The following RBFOX1 variants were observed in gnomAD, a reference collection of about 807,000 sequenced individuals.
RBFOX1 encodes RNA binding protein fox-1 homolog 1.
Under a neutral mutation model 57.7 loss-of-function variants are expected in RBFOX1, and 8 were observed. The observed-to-expected ratio is 0.14, with a 90% CI of 0.08 to 0.25. RBFOX1 has a LOEUF of 0.25. Among genes scored for constraint, RBFOX1 ranks in the 10% least tolerant of loss-of-function variants. The probability of loss-of-function intolerance (pLI) is 1.00; values close to 1 mark genes in which losing one functional copy is unlikely to be tolerated. For synonymous variants in RBFOX1, 326 were observed against 222.4 expected, an observed-to-expected ratio of 1.47 and a Z score of -4.15; for missense variants, 611 against 548.5, an observed-to-expected ratio of 1.11 and a Z score of -1.14.
At chr16:6,420,163 C>T (rs532847056) in intron 2 of RBFOX1, among the ~76,000 whole-genome samples, 3 of 152,214 alleles carry the variant, frequency 2.0e-5, no homozygotes, top group South Asian at 4.1e-4. Flanking sequence ...TTCAACTCTG[C>T]AGTCGATGAA....
intron 1 of RBFOX1, among the ~76,000 whole-genome samples, chr16:5,268,099 G>A (rs2062908198): frequency 6.6e-6 from 1 of 151,918 alleles, no homozygotes; most frequent in East Asian, 1.9e-4. Flanking sequence ...AAAGATGACT[G>A]GAATATAGAC....
At chr16:5,743,406 C>T (rs778492832) in intron 3 of RBFOX1, among the ~76,000 whole-genome samples, 74 of 152,276 alleles carry the variant, frequency 4.9e-4, no homozygotes, top group South Asian at 1.9e-3. Context: ...CTTTGCAGAG[C>T]ATGTCCCGTG....
At chr16:5,459,132 C>T (rs1325084657) in intron 1 of RBFOX1, among the ~76,000 whole-genome samples, 1 of 152,170 alleles carries the variant, frequency 6.6e-6, no homozygotes, top group Admixed American at 6.5e-5. Context: ...GGTGAACCTC[C>T]CCTTTTCTTG....
intron 3 of RBFOX1, among the ~76,000 whole-genome samples, chr16:6,842,607 T>G (rs545569687): frequency 6.6e-6 from 1 of 151,982 alleles, no homozygotes; most frequent in East Asian, 1.9e-4. Flanking sequence ...ATGTATCCAG[T>G]TTCCTGCTGA....
At chr16:5,798,356 C>A (rs2054947007) in intron 3 of RBFOX1, among the ~76,000 whole-genome samples, 1 of 152,116 alleles carries the variant, frequency 6.6e-6, no homozygotes, top group Non-Finnish European at 1.5e-5. Flanking sequence ...GTGTGCTTGG[C>A]AAATATTAGT....
chr16:6,653,173 T>A (rs536764582), intron 2 of RBFOX1, among the ~76,000 whole-genome samples: 1 of 152,104 alleles, frequency 6.6e-6, no homozygotes, highest in East Asian at 1.9e-4. Context: ...CTTTTCTCAA[T>A]TGCCACTTTT....
intron 2 of RBFOX1, among the ~76,000 whole-genome samples, chr16:6,403,033 C>T (rs2093138315): frequency 6.6e-6 from 1 of 152,044 alleles, no homozygotes; most frequent in African/African-American, 2.4e-5. Flanking sequence ...TTGTTTAATT[C>T]ATGGGTTAGA....
intron 11 of RBFOX1, among the ~76,000 whole-genome samples, chr16:7,650,580 G>C (rs1024759115): frequency 2.0e-5 from 3 of 151,398 alleles, no homozygotes; most frequent in Non-Finnish European, 4.4e-5. Context: ...TCTCTCTCTT[G>C]CCAAGCTTCT....
At chr16:6,761,589 CCTCTGCCTCCCAGATTCAAGCAGTT>C (rs1397025506) in intron 3 of RBFOX1, among the ~76,000 whole-genome samples, 7 of 130,710 alleles carry the variant, frequency 5.4e-5, no homozygotes, top group African/African-American at 2.0e-4. Flanking sequence ...TTCACTGTAA[CCTCTGCCTCCCAGATTCAAGCAGTT>C]CTCTGCCTCA....
chr16:7,140,900 T>A (rs1405421365), intron 4 of RBFOX1, among the ~76,000 whole-genome samples: 1 of 152,192 alleles, frequency 6.6e-6, no homozygotes, highest in Non-Finnish European at 1.5e-5. Flanking sequence ...GGCGTTGGCA[T>A]CTTTCCCAAA....
chr16:7,349,482 G>T (rs2097087178), intron 4 of RBFOX1, among the ~76,000 whole-genome samples: 1 of 152,114 alleles, frequency 6.6e-6, no homozygotes, highest in African/African-American at 2.4e-5. Context: ...TTAGGATGAG[G>T]TCTGCCAGCC....
intron 1 of RBFOX1, among the ~76,000 whole-genome samples, chr16:6,287,378 A>G (rs1190849757): frequency 6.6e-6 from 1 of 152,184 alleles, no homozygotes; most frequent in Non-Finnish European, 1.5e-5. Flanking sequence ...CAAACTTGCT[A>G]AGAATCCTGT....
chr16:6,794,322 G>A (rs1257989628), intron 3 of RBFOX1, among the ~76,000 whole-genome samples: 19 of 140,084 alleles, frequency 1.4e-4, no homozygotes, highest in Admixed American at 1.4e-3. Context: ...CATTCCAATC[G>A]GGCTAATACA....
intron 1 of RBFOX1, among the ~76,000 whole-genome samples, chr16:5,440,370 T>A (rs974524646): frequency 2.0e-5 from 3 of 152,208 alleles, no homozygotes; most frequent in Non-Finnish European, 4.4e-5. Flanking sequence ...TTCTGCCAAG[T>A]ATCACAAGTT....
At chr16:5,400,872 T>C (rs980858299) in intron 1 of RBFOX1, among the ~76,000 whole-genome samples, 3 of 152,242 alleles carry the variant, frequency 2.0e-5, no homozygotes, top group Non-Finnish European at 4.4e-5. Context: ...TTGCCATTTA[T>C]ATTTTTTCCA....
intron 11 of RBFOX1, among the ~76,000 whole-genome samples, chr16:7,637,286 A>G (rs1304892110): frequency 6.0e-5 from 9 of 149,510 alleles, no homozygotes; most frequent in South Asian, 4.3e-4. Flanking sequence ...AAAAAAAAAG[A>G]AGGAAAAAAA....
chr16:7,553,692 C>T (rs537413746), intron 5 of RBFOX1, among the ~76,000 whole-genome samples: 3 of 152,170 alleles, frequency 2.0e-5, no homozygotes, highest in Admixed American at 6.5e-5. Flanking sequence ...TGTGTCCTAA[C>T]CCCCAGCTAC....
chr16:5,583,358 T>C (rs138595329), intron 2 of RBFOX1, among the ~76,000 whole-genome samples: 1 of 152,240 alleles, frequency 6.6e-6, no homozygotes, highest in Non-Finnish European at 1.5e-5. Flanking sequence ...TCTGTAATAA[T>C]AGCTGAGTGT....
chr16:5,854,106 A>T (rs1306073353), intron 3 of RBFOX1, among the ~76,000 whole-genome samples: 1 of 152,236 alleles, frequency 6.6e-6, no homozygotes, highest in Admixed American at 6.5e-5. Context: ...TTTGATATGC[A>T]CATGTATTGG....
Sources: allele counts gnomAD v4.1 joint callset (sites outside exome capture counted in the v4.1 genomes callset), GRCh38; gene constraint gnomAD v4.1.1; transcripts MANE v1.5; gene names NCBI Gene and HGNC (gene_info 2026-07-23, HGNC 2026-07-21).